Variants in BTNL8 observed in about 807,000 individuals in gnomAD.
BTNL8 encodes the protein butyrophilin-like protein 8.
A neutral mutation model predicts 36.1 loss-of-function variants in BTNL8; 22 were observed. The ratio of observed to expected loss-of-function variants is 0.61; its 90% CI spans 0.44 to 0.87. The LOEUF is 0.87. Among genes scored for constraint, BTNL8 ranks in the 40% least tolerant of loss-of-function variants. BTNL8 has a pLI of 0.00. For missense variants in BTNL8, 526 were observed against 616.9 expected (o/e 0.85, Z 1.56); for synonymous variants, 203 against 235.6 (o/e 0.86, Z 1.27).
rs1015489681 is a variant in BTNL8 at position 180,948,298 on chromosome 5, G to A, written c.788-57G>A. On this transcript the variant is annotated intron_variant, in intron 4 of 7. Transcript: ENST00000340184. The stretch of plus-strand genomic sequence containing the variant: ...CCCACCTGTGCAAGGAGCCAGCGTC[G>A]TGTTTGTGCCTTGTACACTCCTGTG... The A allele has an allele frequency of 8.2e-6, 12 of 1,464,414 alleles. 2 individuals are homozygous for A. The highest frequency in any genetic ancestry group is 1.1e-5 in the South Asian group (1 of 89,298). 90.7% of individuals were successfully genotyped at this position (1,464,414 alleles called of 1,614,324 possible).
Position 180,950,400 on chromosome 5 carries a change from T to C in BTNL8, c.1359T>C (p.Asn453=). The part of the protein sequence containing the change: ...YIEYPSYNEQ[N]GTPIVICPVT... ...AGTATCCGTCCTATAATGAGCAAAA[T>C]GGAACTCCCATAGTCATCTGCCCAG... Residue 453 remains asparagine (N), a synonymous_variant, in exon 8 of 8, where the codon AAT becomes AAC. Transcript: ENST00000340184. 1 of 1,462,822 alleles carries C rather than the reference T, an allele frequency of 6.8e-7. No individual in the cohort carries two copies. The highest frequency in any genetic ancestry group is 9.4e-7 in the Non-Finnish European group (1 of 1,058,830). 90.6% of individuals were successfully genotyped at this position (1,462,822 alleles called of 1,614,324 possible).
At chr5:180,910,872 C>T (rs752075160) in intron 2 of BTNL8, among the ~76,000 whole-genome samples, 10 of 152,182 alleles carry the variant, frequency 6.6e-5, no homozygotes, top group Non-Finnish European at 1.3e-4. Flanking sequence ...CAGCCCCACA[C>T]GTGTGATGAT....
intron 3 of BTNL8, among the ~76,000 whole-genome samples, chr5:180,927,160 G>A (rs886822364): frequency 2.6e-5 from 4 of 152,148 alleles, no homozygotes; most frequent in East Asian, 1.9e-4. Flanking sequence ...TGCACCCTCC[G>A]CTGATGATAC....
At chr5:180,900,535 G>C (rs147991182) in intron 1 of BTNL8, among the ~76,000 whole-genome samples, 2 of 152,310 alleles carry the variant, frequency 1.3e-5, no homozygotes, top group East Asian at 3.9e-4. Flanking sequence ...CAGCAGCAAG[G>C]GCTGGCCGGA....
chr5:180,939,154 CA>C (rs1186557028), intron 3 of BTNL8, among the ~76,000 whole-genome samples: 1 of 151,914 alleles, frequency 6.6e-6, no homozygotes, highest in Non-Finnish European at 1.5e-5. Context: ...AAATAATGAA[CA>C]AAAAGTTAAC....
chr5:180,935,960 G>T lies in BTNL8; in HGVS notation c.674-11552G>T, dbSNP rs1270174127. 4.0e-5 allele frequency among the ~76,000 whole-genome samples: 6 copies of T among 151,802 alleles called. No homozygotes were observed. Among genetic ancestry groups the T allele is most frequent in the Non-Finnish European group, 5.9e-5 (4 of 67,948 alleles). On this transcript the variant is annotated intron_variant, in intron 3 of 7. Transcript: ENST00000340184. The surrounding 1 kb of genome is among the most constrained non-coding windows in gnomAD (Gnocchi z 4.8). ...TGTCTTGCTCTGTCGCCAGGCTGGA[G>T]TGCAGTGGCATGATCTCAGCTCACT...
intron 3 of BTNL8, among the ~76,000 whole-genome samples, chr5:180,916,283 T>A (rs1361463448): frequency 6.6e-6 from 1 of 152,120 alleles, no homozygotes; most frequent in Non-Finnish European, 1.5e-5. Flanking sequence ...GAAACCACAG[T>A]GATGATGAAA....
At chr5:180,946,630 G>A (rs1759261862) in intron 3 of BTNL8, among the ~76,000 whole-genome samples, 1 of 152,180 alleles carries the variant, frequency 6.6e-6, no homozygotes, top group Admixed American at 6.5e-5. Context: ...AGAATGGGGA[G>A]TTGTTGGTCA....
At chr5:180,938,234 T>A (rs1281694895) in intron 3 of BTNL8, among the ~76,000 whole-genome samples, 1 of 152,156 alleles carries the variant, frequency 6.6e-6, no homozygotes, top group Non-Finnish European at 1.5e-5. Flanking sequence ...TGAAAAAATT[T>A]TCATATTATG....
rs1416101555 is a variant in BTNL8, at chr5:180,950,033, T to A, written c.992T>A (p.Val331Glu). ...SEKRFTRKSVVASQSFQAGKH... is the reference protein window; with the variant it reads ...SEKRFTRKSVEASQSFQAGKH... ...AAGAGATTTACAAGGAAGAGTGTGGTGGCTTCTCAGAGTTTCCAAGCAGGG... is the reference window on the plus strand; with the variant it reads ...AAGAGATTTACAAGGAAGAGTGTGGAGGCTTCTCAGAGTTTCCAAGCAGGG... The change falls in exon 8 of 8, where the codon GTG (valine) becomes GAG (glutamate). Residue 331 changes from valine (V) to glutamate (E), a missense_variant. Val to Glu is a moderately radical substitution (Grantham distance 121, BLOSUM62 -2). Coordinates refer to ENST00000340184, the MANE Select transcript of BTNL8 (RefSeq NM_001040462.3). The A allele has an allele frequency of 6.8e-7, 1 of 1,461,648 alleles. No individual in the cohort carries two copies. The highest frequency in any genetic ancestry group is 1.4e-5 in the African/African-American group (1 of 72,032). 90.5% of individuals were successfully genotyped at this position (1,461,648 alleles called of 1,614,324 possible). A position where few individuals can be genotyped will look rare whatever the true frequency, so the allele number is the denominator to read the frequency against.
intron 3 of BTNL8, among the ~76,000 whole-genome samples, chr5:180,946,743 CAGAA>C (rs1759269496): frequency 6.6e-6 from 1 of 152,036 alleles, no homozygotes; most frequent in South Asian, 2.1e-4. Flanking sequence ...TTCAGAATAA[CAGAA>C]AGAATAAAAT....
intron 1 of BTNL8, chr5:180,902,263 C>A: frequency 7.8e-7 from 1 of 1,280,988 alleles, no homozygotes. Flanking sequence ...AAAGGGTCTA[C>A]ATTCAGAAAG....
intron 2 of BTNL8, chr5:180,909,716 TA>T (rs578101929): frequency 0.043 from 8,060 of 187,604 alleles, no homozygotes; most frequent in Non-Finnish European, 0.062. Context: ...TCATCTCTAT[TA>T]AAAAAAAAAA....
chr5:180,909,479 G>A, intron 2 of BTNL8: 1 of 937,100 alleles, frequency 1.1e-6, no homozygotes, highest in Non-Finnish European at 1.3e-6. Context: ...GATACAGCAG[G>A]GAGCAAACGT....
chr5:180,925,949 GA>G (rs1246544727), intron 3 of BTNL8, among the ~76,000 whole-genome samples: 1 of 152,172 alleles, frequency 6.6e-6, no homozygotes, highest in African/African-American at 2.4e-5. Flanking sequence ...AAAGTTATCA[GA>G]ATAAAATAGC....
chr5:180,938,283 C>A (rs1403859792), intron 3 of BTNL8, among the ~76,000 whole-genome samples: 2 of 152,120 alleles, frequency 1.3e-5, no homozygotes, highest in Non-Finnish European at 2.9e-5. Context: ...GTGTAAATAA[C>A]CTATTTAATA....
At chr5:180,932,254 T>C (rs1758423371) in intron 3 of BTNL8, among the ~76,000 whole-genome samples, 1 of 152,168 alleles carries the variant, frequency 6.6e-6, no homozygotes, top group Admixed American at 6.5e-5. Flanking sequence ...ATACGTAATG[T>C]AGATGATGAG....
chr5:180,931,284 C>T (rs1352534313), intron 3 of BTNL8, among the ~76,000 whole-genome samples: 1 of 152,236 alleles, frequency 6.6e-6, no homozygotes, highest in East Asian at 1.9e-4. Context: ...TGGACTCCTT[C>T]CTTACACCTT....
At position 180,908,722 on chromosome 5, in the gene BTNL8, C is replaced by T. The variant is rs374449500; in HGVS notation, c.186C>T (p.Ser62=). Residue 62 remains serine, a synonymous_variant, in exon 2 of 8, where the codon AGC becomes AGT. Transcript: ENST00000340184. ...GGTTCTTCAGGGGCCAGTTCTCTAG[C>T]GTGGTCCACCTCTACAGGGACGGGA... The part of the protein sequence containing the change: ...EVRFFRGQFS[S]VVHLYRDGKD... 44 of 1,614,074 alleles carry T rather than the reference C, an allele frequency of 2.7e-5. No homozygotes were observed. Among genetic ancestry groups the T allele is most frequent in the East Asian group, 2.0e-4 (9 of 44,890 alleles).
Sources: allele counts gnomAD v4.1 joint callset (sites outside exome capture counted in the v4.1 genomes callset), GRCh38; gene constraint gnomAD v4.1.1; non-coding constraint Gnocchi (gnomAD v3.1); transcripts MANE v1.5; gene names NCBI Gene and HGNC (gene_info 2026-07-23, HGNC 2026-07-21).